Variants in ERAP2 observed in about 807,000 individuals in gnomAD.
ERAP2 encodes leukocyte-derived arginine aminopeptidase.
In ERAP2, 118 loss-of-function variants were observed where a neutral mutation model predicts 111.1. The observed-to-expected ratio is 1.06, with a 90% CI of 0.92 to 1.24. ERAP2 has a LOEUF of 1.24. ERAP2 is among the 50% of genes most tolerant of loss of function. ERAP2 has a pLI of 0.00. For missense variants in ERAP2, 1,131 were observed against 1,125.8 expected (o/e 1.00, Z -0.07); for synonymous variants, 410 against 401.2 (o/e 1.02, Z -0.26).
chr5:96,908,991 T>C lies in ERAP2; in HGVS notation c.2043T>C (p.Leu681=). Residue 681 remains leucine, a synonymous_variant, in exon 14 of 19, where the codon CTT becomes CTC. Coordinates refer to ENST00000437043, the MANE Select transcript of ERAP2 (RefSeq NM_022350.5). ...GGAGACTGACCCTAGACAAAGCTCT[T>C]GACATGACTTACTACCTCCAACATG... is the stretch of plus-strand genomic sequence containing the variant. ...GAGRLTLDKA[L]DMTYYLQHET... 3 of 1,614,178 alleles carry C rather than the reference T, an allele frequency of 1.9e-6. No individual in the cohort carries two copies. Among genetic ancestry groups the C allele is most frequent in the Non-Finnish European group, 2.5e-6 (3 of 1,180,004 alleles).
chr5:96,892,932 C>G (rs966829138), intron 6 of ERAP2, among the ~76,000 whole-genome samples: 1 of 152,136 alleles, frequency 6.6e-6, no homozygotes, highest in African/African-American at 2.4e-5. Flanking sequence ...GGGCACATAC[C>G]TAACTCTCTG....
At chr5:96,895,392 GGTGTA>G (rs754534213) in intron 7 of ERAP2, 33 bp downstream of exon 7, 1 of 1,347,504 alleles carries the variant, frequency 7.4e-7, no homozygotes. Flanking sequence ...CATACTATAT[GGTGTA>G]AAGAATCATC....
chr5:96,888,823 T>C (rs976405895), intron 4 of ERAP2, among the ~76,000 whole-genome samples: 1 of 152,206 alleles, frequency 6.6e-6, no homozygotes, highest in African/African-American at 2.4e-5. Context: ...ATTGTGTTTG[T>C]GGTCATCATT....
rs557491399 is a variant in ERAP2, at chr5:96,917,609, G to A, written c.*4G>A. 1.0e-5 allele frequency: 16 copies of A among 1,599,396 alleles called. No homozygotes were observed. The highest frequency in any genetic ancestry group is 1.3e-5 in the Non-Finnish European group (15 of 1,171,314). On this transcript the variant is annotated 3_prime_UTR_variant, in exon 19 of 19. Transcript: ENST00000437043. ...TTGGCTAATGGTTAATACTTAAATG[G>A]TCAATAGAAAAAGTAGGCTGGGCGC...
intron 3 of ERAP2, 30 bp from the exon 4 acceptor site, chr5:96,886,625 A>G (rs941586517): frequency 5.4e-6 from 8 of 1,468,292 alleles, no homozygotes; most frequent in Non-Finnish European, 7.3e-6. Flanking sequence ...CCAGTTTTCA[A>G]GTACTGATTA....
intron 10 of ERAP2, 126 bp downstream of exon 10, chr5:96,900,315 T>C: frequency 5.0e-6 from 7 of 1,395,208 alleles, no homozygotes; most frequent in Non-Finnish European, 5.7e-6. Context: ...CCCCCACGAT[T>C]TTCTCTAAAA....
chr5:96,897,120 T>C (rs1784961752), intron 9 of ERAP2, among the ~76,000 whole-genome samples: 1 of 152,218 alleles, frequency 6.6e-6, no homozygotes, highest in Non-Finnish European at 1.5e-5. Flanking sequence ...CCTACACTTT[T>C]ATGTTCCCTT....
intron 3 of ERAP2, among the ~76,000 whole-genome samples, chr5:96,884,837 A>G (rs1783561169): frequency 6.6e-6 from 1 of 152,110 alleles, no homozygotes; most frequent in African/African-American, 2.4e-5. Context: ...TCTTTTGGAC[A>G]CTTATTTGTC....
chr5:96,901,713 C>T (rs1351879369), intron 11 of ERAP2, 32 bp downstream of exon 11: 7 of 1,599,548 alleles, frequency 4.4e-6, no homozygotes, highest in Non-Finnish European at 5.1e-6. Context: ...GTCTAGCTTA[C>T]CTCATCTCAG....
In ERAP2 at chr5:96,879,990, G is replaced by A. The variant is rs1478686902; in HGVS notation, c.305G>A (p.Ser102Asn). 1.9e-6 allele frequency: 3 copies of A among 1,614,044 alleles called. No individual in the cohort carries two copies. Among genetic ancestry groups the A allele is most frequent in the Non-Finnish European group, 2.5e-6 (3 of 1,180,032 alleles). ...VASEKIEVLV[S>N]NATQFIILHS... is the part of the protein sequence containing the mutation. Reference sequence around the variant, plus strand: ...TCTGAGAAGATCGAAGTCTTGGTCAGCAATGCTACCCAGTTTATCATCTTG... The same window carrying A: ...TCTGAGAAGATCGAAGTCTTGGTCAACAATGCTACCCAGTTTATCATCTTG... Residue 102 changes from serine (S) to asparagine (N), a missense_variant, in exon 2 of 19, where the codon AGC (serine) becomes AAC (asparagine). Transcript: ENST00000437043.
chr5:96,879,433 G>T, intron 1 of ERAP2, 131 bp from the exon 2 acceptor site: 1 of 401,340 alleles, frequency 2.5e-6, no homozygotes, highest in Non-Finnish European at 4.5e-6. Flanking sequence ...GCTCTATTTT[G>T]TGGATACTTG....
chr5:96,886,444 A>G (rs917909269), intron 3 of ERAP2, among the ~76,000 whole-genome samples: 7 of 152,228 alleles, frequency 4.6e-5, no homozygotes, highest in African/African-American at 1.7e-4. Context: ...TCTCAAAAGC[A>G]GGGCTTTTTG....
rs369503585 is a variant in ERAP2, at chr5:96,896,408, T to C, written c.1275T>C (p.Ile425=). 3 of 1,612,188 alleles carry C rather than the reference T, an allele frequency of 1.9e-6. No homozygotes were observed. Among genetic ancestry groups the C allele is most frequent in the Non-Finnish European group, 2.5e-6 (3 of 1,178,558 alleles). ...TTTTGAATGTGTGTTTTGAAGTAAT[T>C]ACAAAAGATTCATTGAATTCATCCC... ...DYFLNVCFEV[I]TKDSLNSSRP... is the part of the protein sequence containing the mutation. Residue 425 remains isoleucine (I), a synonymous_variant, in exon 8 of 19, where the codon ATT becomes ATC. Coordinates refer to ENST00000437043, the MANE Select transcript of ERAP2 (RefSeq NM_022350.5).
rs1785539269 is a variant in ERAP2, at chr5:96,902,158, G to A, written c.1749-116G>A. The stretch of plus-strand genomic sequence containing the variant: ...ATAAAATTTATAAGACCACTTGTGG[G>A]TAGTATGAAGGATGATGGGTACTTA... On this transcript the variant is annotated intron_variant, in intron 11 of 18. Transcript: ENST00000437043. The A allele has an allele frequency of 7.6e-6, 5 of 654,176 alleles. No individual in the cohort carries two copies. The South Asian group carries it at 1.0e-4, about 13-fold the overall frequency. The allele number at this position is 654,176 out of a possible 1,614,324, so 40.5% of individuals were successfully genotyped here. A position where few individuals can be genotyped will look rare whatever the true frequency, so the allele number is the denominator to read the frequency against.
chr5:96,890,179 C>T (rs1046835899), intron 5 of ERAP2, among the ~76,000 whole-genome samples: 2 of 152,152 alleles, frequency 1.3e-5, no homozygotes, highest in African/African-American at 4.8e-5. Context: ...TGTAGAGAAG[C>T]GATCCCCAAC....
chr5:96,904,982 G>A (rs997122750), intron 13 of ERAP2, among the ~76,000 whole-genome samples: 4 of 151,542 alleles, frequency 2.6e-5, no homozygotes, highest in Non-Finnish European at 5.9e-5. Context: ...GACAAGTTTT[G>A]TTTTTTTAAC....
At chr5:96,885,199 G>A (rs542636321) in intron 3 of ERAP2, among the ~76,000 whole-genome samples, 6 of 152,150 alleles carry the variant, frequency 3.9e-5, no homozygotes, top group East Asian at 3.9e-4. Context: ...ACAGCCTCAC[G>A]CCTCTGCCAG....
At chr5:96,914,148 T>TCTCTCACACACACACACACACACA (rs34158080) in intron 17 of ERAP2, among the ~76,000 whole-genome samples, 3 of 148,082 alleles carry the variant, frequency 2.0e-5, no homozygotes, top group South Asian at 4.3e-4. Context: ...TCTCTCTCTC[T>TCTCTCACACACACACACACACACA]CACACACACA....
At chr5:96,895,954 G>GT (rs1260647767) in intron 7 of ERAP2, among the ~76,000 whole-genome samples, 1 of 152,130 alleles carries the variant, frequency 6.6e-6, no homozygotes, top group Non-Finnish European at 1.5e-5. Flanking sequence ...TTGTTACTGT[G>GT]TATGTACTGA....
Sources: gnomAD v4.1 joint callset for allele counts (sites outside exome capture counted in the v4.1 genomes callset) on GRCh38, gnomAD v4.1.1 for gene constraint, MANE v1.5 for transcripts, NCBI Gene and HGNC (gene_info 2026-07-23, HGNC 2026-07-21) for gene names.